The following MAP3K5 variants were observed in gnomAD, a reference collection of about 807,000 sequenced individuals.
MAP3K5 encodes mitogen-activated protein kinase kinase kinase 5, also known as ASK-1.
MAP3K5 carries 56 observed loss-of-function variants against 158.7 expected under a neutral mutation model. The ratio of observed to expected loss-of-function variants is 0.35; its 90% CI spans 0.28 to 0.44. The LOEUF (loss-of-function observed/expected upper bound fraction) is 0.44, where lower values mean the gene tolerates loss of function less well. Ranked by LOEUF, MAP3K5 falls within the 20% of genes least tolerant of loss-of-function variation. The probability of loss-of-function intolerance (pLI) is 1.00; values close to 1 mark genes in which losing one functional copy is unlikely to be tolerated. For synonymous variants in MAP3K5, 579 were observed against 601.7 expected (o/e 0.96, Z 0.55); for missense variants, 1,294 against 1,674.8 (o/e 0.77, Z 3.97).
intron 6 of MAP3K5, 54 bp from the exon 7 acceptor site, chr6:136,694,364 A>T: frequency 7.1e-7 from 1 of 1,403,826 alleles, no homozygotes. Flanking sequence ...AATATAGATC[A>T]ATTCTTTTTT....
In MAP3K5 at chr6:136,698,650, G is replaced by A; in HGVS notation, c.645C>T (p.Tyr215=). The part of the protein sequence containing the change: ...MCTGNYTFVP[Y]MITPHNKVYC... ...AGACTTTGTTATGTGGAGTTATCAT[G>A]TAAGGAACAAAGGTGTAGTTCCCAG... is the stretch of plus-strand genomic sequence containing the variant. Residue 215 remains tyrosine, a synonymous_variant, in exon 4 of 30, where the codon TAC becomes TAT. Coordinates refer to ENST00000359015, the MANE Select transcript of MAP3K5 (RefSeq NM_005923.4). 1 of 1,613,940 alleles carries A rather than the reference G, an allele frequency of 6.2e-7. No homozygotes were observed. The highest frequency in any genetic ancestry group is 8.5e-7 in the Non-Finnish European group (1 of 1,179,922).
At position 136,621,617 on chromosome 6, in the gene MAP3K5, C is replaced by T. The variant is rs186789613; in HGVS notation, c.2150+1231G>A. Among the ~76,000 whole-genome samples, 6 of 152,252 alleles carry T rather than the reference C, an allele frequency of 3.9e-5. No individual in the cohort carries two copies. The East Asian group carries it at 9.7e-4, about 25-fold the overall frequency. Reference sequence around the variant, plus strand: ...GTCTCAGTCTTTTAGTGAGCCAGTGCCCCTGGGCTGTGAATTTTACAAGTG... The same window carrying T: ...GTCTCAGTCTTTTAGTGAGCCAGTGTCCCTGGGCTGTGAATTTTACAAGTG... On this transcript the variant is annotated intron_variant, in intron 15 of 29. Transcript: ENST00000359015.
At chr6:136,749,340 T>A (rs902180544) in intron 1 of MAP3K5, among the ~76,000 whole-genome samples, 2 of 144,792 alleles carry the variant, frequency 1.4e-5, no homozygotes, top group African/African-American at 5.2e-5. Context: ...GCTACTGCAC[T>A]CCAGCCTGGG....
At chr6:136,784,085 C>T (rs1582698994) in intron 1 of MAP3K5, among the ~76,000 whole-genome samples, 1 of 152,190 alleles carries the variant, frequency 6.6e-6, no homozygotes, top group African/African-American at 2.4e-5. Flanking sequence ...CAGCCAAGGC[C>T]ACGGGTGAGA....
chr6:136,679,435 G>GT lies in MAP3K5; in HGVS notation c.1254-10041dup, dbSNP rs200924707. Among the ~76,000 whole-genome samples, 817 of 151,436 alleles carry GT rather than the reference G, an allele frequency of 5.4e-3. 6 individuals carry two copies. The highest frequency in any genetic ancestry group is 0.018 in the African/African-American group (725 of 41,308). On this transcript the variant is annotated intron_variant, in intron 7 of 29. Coordinates refer to ENST00000359015, the MANE Select transcript of MAP3K5 (RefSeq NM_005923.4). ...AAAGGTAATTTAATTAGAATTTCAT[G>GT]TTTTTTTTTATCTCTAGGGATATTT...
At chr6:136,703,015 G>A (rs1001888339) in intron 3 of MAP3K5, among the ~76,000 whole-genome samples, 19 of 151,760 alleles carry the variant, frequency 1.3e-4, no homozygotes, top group African/African-American at 3.9e-4. Context: ...TATTTTCACC[G>A]TTTTTTCTTT....
At chr6:136,596,961 T>C (rs868467859) in intron 21 of MAP3K5, among the ~76,000 whole-genome samples, 6 of 152,290 alleles carry the variant, frequency 3.9e-5, no homozygotes, top group South Asian at 2.1e-4. Flanking sequence ...ACGTGAGTGA[T>C]TGGGACCCCA....
intron 2 of MAP3K5, among the ~76,000 whole-genome samples, chr6:136,706,046 T>G (rs1583451554): frequency 6.6e-6 from 1 of 151,948 alleles, no homozygotes; most frequent in African/African-American, 2.4e-5. Context: ...TCACCTGAGG[T>G]CATGAGCTCG....
At chr6:136,681,534 G>A (rs1296337410) in intron 7 of MAP3K5, among the ~76,000 whole-genome samples, 29 of 152,150 alleles carry the variant, frequency 1.9e-4, no homozygotes, top group Non-Finnish European at 1.0e-4. Context: ...TTCAGAGGCC[G>A]AGGCAGGAGG....
chr6:136,677,339 G>C (rs377050660), intron 7 of MAP3K5, among the ~76,000 whole-genome samples: 2 of 151,944 alleles, frequency 1.3e-5, no homozygotes, highest in Non-Finnish European at 2.9e-5. Flanking sequence ...GGGTTTCACC[G>C]TGTTAACCAG....
chr6:136,629,616 A>G (rs1188285115), intron 14 of MAP3K5, among the ~76,000 whole-genome samples: 5 of 151,334 alleles, frequency 3.3e-5, no homozygotes, highest in African/African-American at 1.2e-4. Context: ...CACCACACCC[A>G]GCTAATTTTT....
At chr6:136,669,420 G>C (rs1400294966) in intron 7 of MAP3K5, 25 bp from the exon 8 acceptor site, 2 of 1,344,120 alleles carry the variant, frequency 1.5e-6, no homozygotes, top group Admixed American at 3.4e-5. Flanking sequence ...AAATGTACAA[G>C]TTAACTTTCT....
chr6:136,619,603 T>C (rs112722304), intron 15 of MAP3K5, among the ~76,000 whole-genome samples: 1 of 152,080 alleles, frequency 6.6e-6, no homozygotes, highest in African/African-American at 2.4e-5. Flanking sequence ...TCATTATCAC[T>C]ACATGATTTG....
chr6:136,715,152 A>G (rs913986663), intron 2 of MAP3K5, among the ~76,000 whole-genome samples: 2 of 152,350 alleles, frequency 1.3e-5, no homozygotes, highest in Admixed American at 1.3e-4. Context: ...ACCTATCAAG[A>G]AACATTACTT....
intron 29 of MAP3K5, among the ~76,000 whole-genome samples, chr6:136,558,418 C>T (rs7744877): frequency 0.2 from 29,848 of 151,294 alleles, 3,382 homozygotes; most frequent in East Asian, 0.38. Context: ...CCTTAATTAA[C>T]AAGAAATTAT....
intron 17 of MAP3K5, among the ~76,000 whole-genome samples, chr6:136,611,863 G>A (rs950990980): frequency 3.9e-5 from 6 of 152,212 alleles, no homozygotes; most frequent in Admixed American, 3.3e-4. Context: ...ATGATTATCA[G>A]CCCATTATTC....
In MAP3K5 at chr6:136,562,632, T is replaced by C. The variant is rs1393540555; in HGVS notation, c.3762-17A>G. ...TCCAGTAATCTGCAGAAGAAAAATATATTGTTTGACAGGAGGTGACACAGG... is the reference window on the plus strand; with the variant it reads ...TCCAGTAATCTGCAGAAGAAAAATACATTGTTTGACAGGAGGTGACACAGG... On this transcript the variant is annotated splice_polypyrimidine_tract_variant and intron_variant, in intron 26 of 29. Coordinates refer to ENST00000359015, the MANE Select transcript of MAP3K5 (RefSeq NM_005923.4). The C allele has an allele frequency of 1.4e-6, 2 of 1,404,250 alleles. No homozygotes were observed. Among genetic ancestry groups the C allele is most frequent in the African/African-American group, 1.5e-5 (1 of 68,716 alleles). 87.0% of individuals were successfully genotyped at this position (1,404,250 alleles called of 1,614,324 possible).
At chr6:136,765,847 C>A (rs1218372266) in intron 1 of MAP3K5, among the ~76,000 whole-genome samples, 1 of 151,952 alleles carries the variant, frequency 6.6e-6, no homozygotes, top group East Asian at 1.9e-4. Flanking sequence ...CTTTTATCTC[C>A]ACCTTATAGA....
chr6:136,599,021 A>G (rs1280666914), intron 21 of MAP3K5, among the ~76,000 whole-genome samples: 1 of 152,086 alleles, frequency 6.6e-6, no homozygotes, highest in Non-Finnish European at 1.5e-5. Flanking sequence ...AAATACAAAA[A>G]TTAGCTGGGC....
Sources: gnomAD v4.1 joint callset for allele counts (sites outside exome capture counted in the v4.1 genomes callset) on GRCh38, gnomAD v4.1.1 for gene constraint, MANE v1.5 for transcripts, NCBI Gene and HGNC (gene_info 2026-07-23, HGNC 2026-07-21) for gene names.